Variants in LTBP1 observed in about 807,000 individuals in gnomAD.
LTBP1 encodes the protein latent-transforming growth factor beta-binding protein 1.
In LTBP1, 129 loss-of-function variants were observed where a neutral mutation model predicts 207.6. The ratio of observed to expected loss-of-function variants is 0.62; its 90% confidence interval spans 0.54 to 0.72. LTBP1 has a LOEUF of 0.72. Ranked by LOEUF, LTBP1 falls within the 30% of genes least tolerant of loss-of-function variation. LTBP1 has a pLI of 0.00. For missense variants in LTBP1, 2,281 were observed against 2,217.2 expected (o/e 1.03, Z -0.58); for synonymous variants, 963 against 833.7 (o/e 1.16, Z -2.67).
chr2:33,191,919 A>T (rs1330264243), intron 7 of LTBP1, among the ~76,000 whole-genome samples: 2 of 152,196 alleles, frequency 1.3e-5, no homozygotes, highest in Non-Finnish European at 2.9e-5. Context: ...ACATTCTAAT[A>T]ATTAGGTAGT....
chr2:33,225,111 T>A (rs1270128843), intron 9 of LTBP1, among the ~76,000 whole-genome samples: 1 of 152,188 alleles, frequency 6.6e-6, no homozygotes, highest in Non-Finnish European at 1.5e-5. Context: ...GTTCAAGTTT[T>A]AAAAAAATTT....
At chr2:33,257,532 T>C (rs2092897578) in intron 12 of LTBP1, 21 bp downstream of exon 12, 1 of 1,583,226 alleles carries the variant, frequency 6.3e-7, no homozygotes, top group African/African-American at 1.3e-5. Context: ...TAATGGATCA[T>C]GGACTCTAGA....
intron 5 of LTBP1, among the ~76,000 whole-genome samples, chr2:33,180,356 A>C (rs562587256): frequency 6.6e-6 from 1 of 152,252 alleles, no homozygotes; most frequent in Admixed American, 6.5e-5. Flanking sequence ...GAAGAAGGTA[A>C]CTGTCTTCTT....
At chr2:33,337,794 T>C (rs2094570126) in intron 24 of LTBP1, among the ~76,000 whole-genome samples, 1 of 152,234 alleles carries the variant, frequency 6.6e-6, no homozygotes, top group Non-Finnish European at 1.5e-5. Flanking sequence ...ATTCAAAATA[T>C]AGTTTCATCT....
chr2:33,128,900 TC>T (rs1380023259), intron 4 of LTBP1, among the ~76,000 whole-genome samples: 2 of 152,224 alleles, frequency 1.3e-5, no homozygotes, highest in African/African-American at 4.8e-5. Context: ...AATACTACTA[TC>T]CCTTCTGGAT....
intron 3 of LTBP1, among the ~76,000 whole-genome samples, chr2:33,036,238 G>A (rs920835510): frequency 6.6e-6 from 1 of 152,114 alleles, no homozygotes; most frequent in Non-Finnish European, 1.5e-5. Flanking sequence ...GGTCTGGGGA[G>A]GGGTGGAGAA....
Position 33,266,131 on chromosome 2 carries a change from C to G in LTBP1, c.2617+2739C>G, listed in dbSNP as rs370703522. 3.0e-4 allele frequency among the ~76,000 whole-genome samples: 46 copies of G among 152,326 alleles called. 1 individual carries two copies. The South Asian group carries it at 9.5e-3, about 32-fold the overall frequency. Reference sequence around the variant, plus strand: ...GAAGTGCCTGCTGTCACTCCTTGGCCTCTCCCCGCTGCCAGCGCCTGCTCC... The same window carrying G: ...GAAGTGCCTGCTGTCACTCCTTGGCGTCTCCCCGCTGCCAGCGCCTGCTCC... On this transcript the variant is annotated intron_variant, in intron 15 of 33. Transcript: ENST00000404816.
Position 33,134,870 on chromosome 2 carries a change from C to G in LTBP1, c.1111C>G (p.Gln371Glu). The change falls in exon 5 of 34, where the codon CAG (glutamine) becomes GAG (glutamate). Residue 371 changes from glutamine (Q) to glutamate (E), a missense_variant. Physicochemically the swap from Gln to Glu is conservative, Grantham distance 29 (BLOSUM62 2). Around this residue, in one of 3 missense-constraint regions of LTBP1, gnomAD observed 55 missense variants for 91.5 expected, o/e 0.60. Transcript: ENST00000404816. This position sits in a 1 kb window ranked among gnomAD's most constrained non-coding sequence, Gnocchi z 4.4. ...CKVTCTKGSC[Q>E]NSCEKGNTTT... is the part of the protein sequence containing the mutation. ...AGTGACCTGCACCAAGGGCAGCTGT[C>G]AGAACAGCTGTGAGAAGGGGAACAC... is the stretch of plus-strand genomic sequence containing the variant. The G allele has an allele frequency of 6.2e-7, 1 of 1,614,068 alleles. No homozygotes were observed. The highest frequency in any genetic ancestry group is 8.5e-7 in the Non-Finnish European group (1 of 1,179,990).
At chr2:33,222,604 C>T (rs1314317819) in intron 9 of LTBP1, among the ~76,000 whole-genome samples, 1 of 152,168 alleles carries the variant, frequency 6.6e-6, no homozygotes. Flanking sequence ...AGAGTAAACA[C>T]ATTTTGCCTA....
At chr2:33,045,294 G>T (rs1284154892) in intron 3 of LTBP1, among the ~76,000 whole-genome samples, 1 of 152,148 alleles carries the variant, frequency 6.6e-6, no homozygotes. Context: ...TTTTGTATAA[G>T]GTGTAAGGAA....
rs114610718 is a variant in LTBP1, at chr2:32,992,703, C to T, written c.566-28206C>T. 5.0e-3 allele frequency among the ~76,000 whole-genome samples: 768 copies of T among 152,218 alleles called. 4 individuals carry two copies. The highest frequency in any genetic ancestry group is 0.016 in the African/African-American group (676 of 41,516). The stretch of plus-strand genomic sequence containing the variant: ...TTCCAGGACATGTAAGGGAAGAATC[C>T]AGCACTCTGCCTGGTACACAGCAGA... On this transcript the variant is annotated intron_variant, in intron 2 of 33. Transcript: ENST00000404816.
chr2:33,160,446 G>C (rs2148098842), intron 5 of LTBP1, among the ~76,000 whole-genome samples: 1 of 152,278 alleles, frequency 6.6e-6, no homozygotes, highest in South Asian at 2.1e-4. Flanking sequence ...GCGTCCTTGG[G>C]TGGCCCTTCC....
intron 2 of LTBP1, among the ~76,000 whole-genome samples, chr2:32,949,943 G>A (rs934693075): frequency 6.6e-6 from 1 of 152,304 alleles, no homozygotes; most frequent in Non-Finnish European, 1.5e-5. Flanking sequence ...TTTATGATGT[G>A]TTATGATCAA....
intron 15 of LTBP1, among the ~76,000 whole-genome samples, chr2:33,267,650 T>C (rs938543284): frequency 6.6e-6 from 1 of 152,250 alleles, no homozygotes; most frequent in Non-Finnish European, 1.5e-5. Context: ...ATTTACTAGT[T>C]CTTTCAAAAT....
At chr2:33,003,826 A>C (rs1275901098) in intron 2 of LTBP1, among the ~76,000 whole-genome samples, 1 of 151,476 alleles carries the variant, frequency 6.6e-6, no homozygotes, top group Non-Finnish European at 1.5e-5. Flanking sequence ...AAGAACTGTC[A>C]CAAAAACCTC....
rs149596244 is a variant in LTBP1 at position 32,963,952 on chromosome 2, C to T, written c.565+15007C>T. Among the ~76,000 whole-genome samples the T allele has an allele frequency of 1.7e-3, 259 of 152,246 alleles. 2 individuals are homozygous for T. The highest frequency in any genetic ancestry group is 5.9e-3 in the African/African-American group (245 of 41,562). On this transcript the variant is annotated intron_variant, in intron 2 of 33. Coordinates refer to ENST00000404816, the MANE Select transcript of LTBP1 (RefSeq NM_206943.4). ...GAGATTGCAAAATTAATAAAAGTAA[C>T]GAAGGAGCAACATTTTATTTTAGAA... is the stretch of plus-strand genomic sequence containing the variant.
intron 3 of LTBP1, among the ~76,000 whole-genome samples, chr2:33,051,731 A>G (rs114322039): frequency 0.016 from 2,458 of 152,154 alleles, 69 homozygotes; most frequent in African/African-American, 0.056. Context: ...AGCTGGCTTC[A>G]TGTGTTGTGG....
chr2:33,322,034 A>G (rs566566590), intron 24 of LTBP1, among the ~76,000 whole-genome samples: 41 of 152,338 alleles, frequency 2.7e-4, no homozygotes, highest in African/African-American at 9.6e-4. Flanking sequence ...TGGACTTGAA[A>G]TGCAGATTTT....
chr2:33,254,798 C>T (rs2092789131), intron 11 of LTBP1, among the ~76,000 whole-genome samples: 1 of 93,234 alleles, frequency 1.1e-5, no homozygotes, highest in Non-Finnish European at 1.9e-5. Flanking sequence ...CTTCCTGTGT[C>T]CATGTGTTCT....
Sources: allele counts gnomAD v4.1 joint callset (sites outside exome capture counted in the v4.1 genomes callset), GRCh38; gene constraint gnomAD v4.1.1; regional missense constraint gnomAD v4.1.1; non-coding constraint Gnocchi (gnomAD v3.1); transcripts MANE v1.5; gene names NCBI Gene and HGNC (gene_info 2026-07-23, HGNC 2026-07-21).